Variants in TRIOBP observed in about 807,000 individuals in gnomAD.
TRIOBP encodes TRIO and F-actin-binding protein.
In TRIOBP, 169 loss-of-function variants were observed where a neutral mutation model predicts 238.8. The observed-to-expected ratio is 0.71, with a 90% CI of 0.62 to 0.80. The LOEUF is 0.80. Ranked by LOEUF, TRIOBP falls within the 30% of genes least tolerant of loss-of-function variation. TRIOBP has a pLI of 0.00. For missense variants in TRIOBP, 2,838 were observed against 3,122.6 expected, an observed-to-expected ratio of 0.91 and a Z score of 2.17; for synonymous variants, 1,150 against 1,274.4, an observed-to-expected ratio of 0.90 and a Z score of 2.08.
chr22:37,755,122 A>G lies in TRIOBP; in HGVS notation c.5509A>G (p.Ile1837Val), dbSNP rs1343662218. Reference protein sequence around the residue: ...AEEADELDGEIDLRSCTDVTE... With the variant: ...AEEADELDGEVDLRSCTDVTE... ...CCAGGCAGATGAGCTGGATGGTGAG[A>G]TCGACCTGCGTTCCTGCACGGATGT... The change falls in exon 14 of 24, where the codon ATC (isoleucine) becomes GTC (valine). Residue 1837 changes from isoleucine to valine, a missense_variant. This residue lies in a region of TRIOBP where 2,096 missense variants were observed against 2,137.4 expected (regional missense o/e 0.98). Coordinates refer to ENST00000644935, the MANE Select transcript of TRIOBP (RefSeq NM_001039141.3). The G allele has an allele frequency of 6.2e-7, 1 of 1,613,778 alleles. No individual in the cohort carries two copies.
chr22:37,721,571 G>A (rs1164746137), intron 6 of TRIOBP, among the ~76,000 whole-genome samples: 2 of 152,152 alleles, frequency 1.3e-5, no homozygotes. Context: ...TCCACCTCCT[G>A]GGCTCAGGCA....
chr22:37,758,121 G>A lies in TRIOBP; in HGVS notation c.6196G>A (p.Glu2066Lys), dbSNP rs564506970. ...ERRGPPSDGH[E>K]ALEKEVQALR... ...CCGAGGGCCCCCAAGTGACGGCCAC[G>A]AGGCACTGGAGAAGGAGGTAGGCAC... The change falls in exon 16 of 24, where the codon GAG (glutamate) becomes AAG (lysine). Residue 2066 changes from glutamate to lysine, a missense_variant. Around this residue, in one of 5 missense-constraint regions of TRIOBP, gnomAD observed 2,096 missense variants for 2,137.4 expected, o/e 0.98. Transcript: ENST00000644935. 76 of 1,611,030 alleles carry A rather than the reference G, an allele frequency of 4.7e-5. No homozygotes were observed. In the East Asian group the frequency reaches 8.7e-4, roughly 18 times the overall value.
chr22:37,704,851 G>A (rs1922850488), intron 3 of TRIOBP, among the ~76,000 whole-genome samples: 1 of 148,772 alleles, frequency 6.7e-6, no homozygotes, highest in South Asian at 2.1e-4. Context: ...AAGATCACTT[G>A]AACTCAGGAG....
chr22:37,761,094 G>A (rs1398789315), intron 17 of TRIOBP, among the ~76,000 whole-genome samples: 3 of 152,148 alleles, frequency 2.0e-5, no homozygotes, highest in Non-Finnish European at 2.9e-5. Context: ...GGCATTGGCT[G>A]GGGCATGAGA....
chr22:37,763,838 G>A (rs1013527692), intron 17 of TRIOBP, among the ~76,000 whole-genome samples: 2 of 152,298 alleles, frequency 1.3e-5, no homozygotes, highest in East Asian at 1.9e-4. Context: ...GAAGTCTAAC[G>A]CGAGTCTTGC....
intron 11 of TRIOBP, chr22:37,746,353 G>C (rs927274028): frequency 2.5e-6 from 3 of 1,206,090 alleles, no homozygotes; most frequent in Non-Finnish European, 3.1e-6. Flanking sequence ...GCGCCGCGGA[G>C]CCCGGCCCGA....
chr22:37,769,382 G>A lies in TRIOBP; in HGVS notation c.6849+7G>A, dbSNP rs757056244. 2.5e-6 allele frequency: 4 copies of A among 1,592,500 alleles called. No homozygotes were observed. Among genetic ancestry groups the A allele is most frequent in the Non-Finnish European group, 3.4e-6 (4 of 1,172,218 alleles). ...GAGTTCCTGCGAGCTAGAGGTGAGT[G>A]TCCTCACTAGCACCAGGCAGCCCAG... On this transcript the variant is annotated splice_region_variant and intron_variant, in intron 21 of 23. Transcript: ENST00000644935.
rs546328936 is a variant in TRIOBP at position 37,746,908 on chromosome 22, G to C, written c.5323-4864G>C. 3.5e-4 allele frequency among the ~76,000 whole-genome samples: 53 copies of C among 152,024 alleles called. No homozygotes were observed. In the South Asian group the frequency reaches 3.5e-3, roughly 10 times the overall value. Reference sequence around the variant, plus strand: ...GCCCTCCGTGTGGCCGCTGGCCCGAGGTCGGGTGGGCGAGAAGTGGCCGGA... The same window carrying C: ...GCCCTCCGTGTGGCCGCTGGCCCGACGTCGGGTGGGCGAGAAGTGGCCGGA... On this transcript the variant is annotated intron_variant, in intron 11 of 23. Coordinates refer to ENST00000644935, the MANE Select transcript of TRIOBP (RefSeq NM_001039141.3).
At chr22:37,715,518 A>AT (rs1923466811) in intron 5 of TRIOBP, among the ~76,000 whole-genome samples, 1 of 147,908 alleles carries the variant, frequency 6.8e-6, no homozygotes, top group South Asian at 2.1e-4. Flanking sequence ...AATTTTTTGT[A>AT]TTTTTTAGTA....
At chr22:37,718,642 G>A (rs1382784228) in intron 6 of TRIOBP, among the ~76,000 whole-genome samples, 1 of 152,016 alleles carries the variant, frequency 6.6e-6, no homozygotes, top group Non-Finnish European at 1.5e-5. Flanking sequence ...CCTAACCCCA[G>A]TGAAACATCA....
At chr22:37,723,061 G>A (rs556614947) in intron 6 of TRIOBP, 124 bp from the exon 7 acceptor site, 1 of 920,146 alleles carries the variant, frequency 1.1e-6, no homozygotes, top group South Asian at 1.6e-5. Flanking sequence ...TACAGACAGT[G>A]AGACCTGTAG....
chr22:37,742,901 C>A (rs1925010130), intron 11 of TRIOBP, among the ~76,000 whole-genome samples: 1 of 152,186 alleles, frequency 6.6e-6, no homozygotes, highest in South Asian at 2.1e-4. Flanking sequence ...GTCCATTTTA[C>A]AGATGATGAA....
At position 37,719,989 on chromosome 22, in the gene TRIOBP, C is replaced by CACACTGCACTCCCTGTTTCACTCAT. The variant is rs367687004; in HGVS notation, c.629-3196_629-3195insACACTGCACTCCCTGTTTCACTCAT. On this transcript the variant is annotated intron_variant, in intron 6 of 23. Coordinates refer to ENST00000644935, the MANE Select transcript of TRIOBP (RefSeq NM_001039141.3). ...ACACTGCACTCACTGTTTCACTCAT[C>CACACTGCACTCCCTGTTTCACTCAT]CCCCCCCGCCCTTTTTTTTTTTTTT... Among the ~76,000 whole-genome samples the CACACTGCACTCCCTGTTTCACTCAT allele has an allele frequency of 3.4e-4, 24 of 71,268 alleles. 4 individuals are homozygous for CACACTGCACTCCCTGTTTCACTCAT. The highest frequency in any genetic ancestry group is 4.2e-4 in the East Asian group (1 of 2,392). 46.8% of individuals were successfully genotyped at this position (71,268 alleles called of 152,430 possible).
rs541360872 is a variant in TRIOBP at position 37,724,644 on chromosome 22, C to T, written c.2088C>T (p.Pro696=). Residue 696 remains proline, a synonymous_variant, in exon 7 of 24, where the codon CCC becomes CCT. Transcript: ENST00000644935. The part of the protein sequence containing the change: ...SPSRTIQQEN[P]RTSCAQRDDP... ...GCAGAACCATCCAACAAGAGAACCC[C>T]AGAACATCCTGTGCCCAACGGGACG... The T allele has an allele frequency of 6.2e-7, 1 of 1,611,292 alleles. No homozygotes were observed. Among genetic ancestry groups the T allele is most frequent in the South Asian group, 1.1e-5 (1 of 90,930 alleles).
At chr22:37,769,452 G>A (rs972695890) in intron 21 of TRIOBP, 77 bp downstream of exon 21, 3 of 1,381,532 alleles carry the variant, frequency 2.2e-6, no homozygotes, top group East Asian at 2.5e-5. Context: ...GCCATAGGCT[G>A]GGTATCACCT....
intron 11 of TRIOBP, among the ~76,000 whole-genome samples, chr22:37,744,479 C>T (rs1164551316): frequency 6.6e-6 from 1 of 152,200 alleles, no homozygotes; most frequent in Non-Finnish European, 1.5e-5. Flanking sequence ...GATCTGTCAG[C>T]ATTGGTGATG....
intron 6 of TRIOBP, among the ~76,000 whole-genome samples, chr22:37,721,937 G>A (rs571410827): frequency 3.9e-5 from 6 of 152,308 alleles, no homozygotes; most frequent in South Asian, 2.1e-4. Flanking sequence ...ACTCTGTCAT[G>A]AGGCTAGGAG....
At chr22:37,704,331 C>G (rs933752185) in intron 3 of TRIOBP, among the ~76,000 whole-genome samples, 1 of 151,692 alleles carries the variant, frequency 6.6e-6, no homozygotes, top group African/African-American at 2.4e-5. Flanking sequence ...TTCAGTGAGC[C>G]GTGATCGCAT....
Position 37,726,051 on chromosome 22 carries a change from C to T in TRIOBP, c.3495C>T (p.Cys1165=), listed in dbSNP as rs757388800. The T allele has an allele frequency of 1.2e-6, 2 of 1,610,458 alleles. No homozygotes were observed. Among genetic ancestry groups the T allele is most frequent in the African/African-American group, 1.3e-5 (1 of 74,648 alleles). The change falls in exon 7 of 24, where the codon TGC becomes TGT. Residue 1165 remains cysteine, a synonymous_variant. Transcript: ENST00000644935. ...GCCCCCACATCCCCACCCCTGTGTG[C>T]ATTGGGCACCGGGATGCACCCTCCT... is the stretch of plus-strand genomic sequence containing the variant. ...HECPHIPTPV[C]IGHRDAPSFS...
Sources: allele counts gnomAD v4.1 joint callset (sites outside exome capture counted in the v4.1 genomes callset), GRCh38; gene constraint gnomAD v4.1.1; regional missense constraint gnomAD v4.1.1; transcripts MANE v1.5; gene names NCBI Gene and HGNC (gene_info 2026-07-23, HGNC 2026-07-21).